PCDHGA11: variants seen among roughly 807,000 people sequenced by gnomAD.
PCDHGA11 encodes protocadherin gamma subfamily A, 11, also known as protocadherin gamma-A11.
In PCDHGA11, 39 loss-of-function variants were observed where a neutral mutation model predicts 60.4. That is an observed-to-expected ratio of 0.65 (90% CI 0.50 to 0.84). The LOEUF (loss-of-function observed/expected upper bound fraction) is 0.84. Among genes scored for constraint, PCDHGA11 ranks in the 40% least tolerant of loss-of-function variants. The pLI is 0.00. For synonymous variants in PCDHGA11, 533 were observed against 510.3 expected (o/e 1.04, Z -0.60); for missense variants, 1,165 against 1,197.7 (o/e 0.97, Z 0.40).
At chr5:141,464,279 C>CA (rs373828487) in intron 1 of PCDHGA11, among the ~76,000 whole-genome samples, 31,576 of 137,520 alleles carry the variant, frequency 0.23, 3,494 homozygotes, top group African/African-American at 0.28. Context: ...AAAAAAAAAG[C>CA]AAAAAAAAAA....
Position 141,422,231 on chromosome 5 carries a change from T to A in PCDHGA11, c.1004T>A (p.Leu335Ter). The stretch of plus-strand genomic sequence containing the variant: ...GGTCTCTTTACCACCACGACGATGT[T>A]GATCACTGTTGTGGATGTGAATGAT... The part of the protein sequence containing the change: ...GGGLFTTTTM[L>*]ITVVDVNDNA... The change falls in exon 1 of 4, where the codon TTG (leucine) becomes TAG (stop). Residue 335 changes from leucine (L) to a stop codon, truncating the protein, a stop_gained. Coordinates refer to ENST00000398587, the MANE Select transcript of PCDHGA11 (RefSeq NM_018914.3). LOFTEE classifies it high-confidence loss of function. The A allele has an allele frequency of 3.2e-6, 5 of 1,566,292 alleles. No homozygotes were observed. Among genetic ancestry groups the A allele is most frequent in the Non-Finnish European group, 4.3e-6 (5 of 1,161,836 alleles).
Position 141,423,094 on chromosome 5 carries a change from C to CGCGTGCGT in PCDHGA11, c.1867_1868insGCGTGCGT (p.His623ArgfsTer123), listed in dbSNP as rs2096708722. On this transcript the variant is annotated frameshift_variant, in exon 1 of 4. Transcript: ENST00000398587. LOFTEE classifies it high-confidence loss of function. ...GCCGGGACTCTTCGCGGTGGGGGAG[C>CGCGTGCGT]ACACGGGCGAGGTGCGTACAGCGCG... 2.5e-6 allele frequency: 4 copies of CGCGTGCGT among 1,613,860 alleles called. No individual in the cohort carries two copies. The highest frequency in any genetic ancestry group is 2.7e-5 in the African/African-American group (2 of 74,952).
rs2099610288 is a variant in PCDHGA11, at chr5:141,485,252, G to A, written c.2434-9555G>A. ...GTTCCTCTTTTACCACCTGGGTTAC[G>A]TTTGTGGGCAGATCCGCTACCCGGT... On this transcript the variant is annotated intron_variant, in intron 1 of 3. Coordinates refer to ENST00000398587, the MANE Select transcript of PCDHGA11 (RefSeq NM_018914.3). This position sits in a 1 kb window ranked among gnomAD's most constrained non-coding sequence, Gnocchi z 5.7. 6.2e-7 allele frequency: 1 copy of A among 1,614,042 alleles called. No individual in the cohort carries two copies. The highest frequency in any genetic ancestry group is 1.7e-5 in the Admixed American group (1 of 60,008).
intron 1 of PCDHGA11, among the ~76,000 whole-genome samples, chr5:141,450,467 T>G (rs997813636): frequency 1.3e-5 from 2 of 151,944 alleles, no homozygotes; most frequent in African/African-American, 2.4e-5. Flanking sequence ...ATTTTATATA[T>G]AGAGTTTGTT....
Position 141,490,869 on chromosome 5 carries a change from A to AT in PCDHGA11, c.2434-3936dup. 1.2e-6 allele frequency: 2 copies of AT among 1,613,902 alleles called. No individual in the cohort carries two copies. Among genetic ancestry groups the AT allele is most frequent in the Non-Finnish European group, 8.5e-7 (1 of 1,179,954 alleles). ...GGGTTCGAGACTCCGGCTCTCCCCC[A>AT]TTGCATGCCAACACATCTCTGCATG... On this transcript the variant is annotated intron_variant, in intron 1 of 3. Coordinates refer to ENST00000398587, the MANE Select transcript of PCDHGA11 (RefSeq NM_018914.3). This position sits in a 1 kb window ranked among gnomAD's most constrained non-coding sequence, Gnocchi z 5.4.
chr5:141,491,138 C>T lies in PCDHGA11; in HGVS notation c.2434-3669C>T. The T allele has an allele frequency of 1.2e-6, 2 of 1,614,106 alleles. No individual in the cohort carries two copies. The highest frequency in any genetic ancestry group is 1.7e-6 in the Non-Finnish European group (2 of 1,179,962). On this transcript the variant is annotated intron_variant, in intron 1 of 3. Transcript: ENST00000398587. The surrounding 1 kb of genome is among the most constrained non-coding windows in gnomAD (Gnocchi z 6.9). ...ACTGGTGAGGTGCGCACAGCCCGGG[C>T]CTTACTGGAGGATGACTCTGACACC...
intron 1 of PCDHGA11, chr5:141,433,358 C>CCTATCTATCTATCTATCTATCTAT: frequency 9.9e-6 from 5 of 503,368 alleles, no homozygotes; most frequent in South Asian, 2.6e-5. Flanking sequence ...CTACTGTCTG[C>CCTATCTATCTATCTATCTATCTAT]CTATCTATCT....
chr5:141,427,494 A>G (rs1220750249), intron 1 of PCDHGA11: 1 of 560,916 alleles, frequency 1.8e-6, no homozygotes, highest in Non-Finnish European at 3.4e-6. Context: ...TAAGCTTGTA[A>G]CAGATGGGAC....
chr5:141,430,493 C>G (rs1232369484), intron 1 of PCDHGA11: 1 of 285,344 alleles, frequency 3.5e-6, no homozygotes, highest in African/African-American at 2.2e-5. Flanking sequence ...ACGAAATATC[C>G]TTTCTGGGAG....
At chr5:141,454,685 C>A (rs1305853379) in intron 1 of PCDHGA11, among the ~76,000 whole-genome samples, 1 of 151,844 alleles carries the variant, frequency 6.6e-6, no homozygotes, top group Non-Finnish European at 1.5e-5. Context: ...GGATTACAGG[C>A]ATGAGCCACC....
chr5:141,509,421 A>T (rs939726886), intron 3 of PCDHGA11, among the ~76,000 whole-genome samples: 5 of 152,088 alleles, frequency 3.3e-5, no homozygotes, highest in Non-Finnish European at 1.5e-5. Context: ...AGCCCCAATG[A>T]GTCAAACTCT....
chr5:141,463,814 C>T (rs1359662651), intron 1 of PCDHGA11, among the ~76,000 whole-genome samples: 7 of 152,188 alleles, frequency 4.6e-5, no homozygotes, highest in African/African-American at 1.7e-4. Flanking sequence ...GCTTTTATCA[C>T]ACATTTTGAT....
rs2099692814 is a variant in PCDHGA11 at position 141,489,840 on chromosome 5, G to A, written c.2434-4967G>A. 6.2e-7 allele frequency: 1 copy of A among 1,614,190 alleles called. No individual in the cohort carries two copies. The highest frequency in any genetic ancestry group is 8.5e-7 in the Non-Finnish European group (1 of 1,179,990). On this transcript the variant is annotated intron_variant, in intron 1 of 3. Coordinates refer to ENST00000398587, the MANE Select transcript of PCDHGA11 (RefSeq NM_018914.3). The surrounding 1 kb of genome is among the most constrained non-coding windows in gnomAD (Gnocchi z 4.5). ...CAGAGCTGGTGCTAGAGCAGCAGCT[G>A]GATCGTGAAGCCCAGGCAAGACATC... is the stretch of plus-strand genomic sequence containing the variant.
intron 3 of PCDHGA11, among the ~76,000 whole-genome samples, chr5:141,506,700 G>GT (rs1446452157): frequency 2.0e-5 from 3 of 152,138 alleles, no homozygotes; most frequent in Admixed American, 1.3e-4. Context: ...ACCCAAACCC[G>GT]TTTTTTACTG....
chr5:141,502,629 G>A (rs1368174848), intron 2 of PCDHGA11, among the ~76,000 whole-genome samples: 1 of 152,096 alleles, frequency 6.6e-6, no homozygotes, highest in Non-Finnish European at 1.5e-5. Context: ...GTAATCTGTG[G>A]ATGATACTTT....
chr5:141,490,088 ACCACAC>A lies in PCDHGA11; in HGVS notation c.2434-4718_2434-4713del. On this transcript the variant is annotated intron_variant, in intron 1 of 3. Transcript: ENST00000398587. The surrounding 1 kb of genome is among the most constrained non-coding windows in gnomAD (Gnocchi z 5.4). The stretch of plus-strand genomic sequence containing the variant: ...GGCCAACTAGACTATTCTTTTGGAG[ACCACAC>A]ATCTGAGGCAGTGCGGAACCTCTTT... The A allele has an allele frequency of 6.2e-7, 1 of 1,614,190 alleles. No homozygotes were observed. Among genetic ancestry groups the A allele is most frequent in the Non-Finnish European group, 8.5e-7 (1 of 1,180,004 alleles).
In PCDHGA11 at chr5:141,485,089, G is replaced by C; in HGVS notation, c.2434-9718G>C. 9.7e-7 allele frequency: 1 copy of C among 1,027,236 alleles called. No individual in the cohort carries two copies. The highest frequency in any genetic ancestry group is 1.5e-6 in the Non-Finnish European group (1 of 674,564). The allele number at this position is 1,027,236 out of a possible 1,614,324, so 63.6% of individuals were successfully genotyped here. On this transcript the variant is annotated intron_variant, in intron 1 of 3. Coordinates refer to ENST00000398587, the MANE Select transcript of PCDHGA11 (RefSeq NM_018914.3). This position sits in a 1 kb window ranked among gnomAD's most constrained non-coding sequence, Gnocchi z 5.7. ...GAGCTGGCGCGGGGAAAGGGAGATA[G>C]GTGTCTCCAGCTGCTGTGGCTGTTT... is the stretch of plus-strand genomic sequence containing the variant.
intron 1 of PCDHGA11, among the ~76,000 whole-genome samples, chr5:141,445,937 A>C (rs2098482193): frequency 6.6e-6 from 1 of 152,202 alleles, no homozygotes; most frequent in African/African-American, 2.4e-5. Flanking sequence ...TGAATTATTA[A>C]GCTTACTCTG....
intron 1 of PCDHGA11, among the ~76,000 whole-genome samples, chr5:141,455,137 G>A (rs892739175): frequency 2.7e-5 from 4 of 150,642 alleles, no homozygotes; most frequent in African/African-American, 9.8e-5. Flanking sequence ...ATTACACTGT[G>A]TTAAATAAAT....
Sources: allele counts gnomAD v4.1 joint callset (sites outside exome capture counted in the v4.1 genomes callset), GRCh38; gene constraint gnomAD v4.1.1; non-coding constraint Gnocchi (gnomAD v3.1); transcripts MANE v1.5; gene names NCBI Gene and HGNC (gene_info 2026-07-23, HGNC 2026-07-21).